Variants in KPNA4 observed in about 807,000 individuals in gnomAD.
KPNA4 encodes karyopherin subunit alpha 4, also known as importin subunit alpha-3.
KPNA4 carries 13 observed loss-of-function variants against 71.3 expected under a neutral mutation model. That is an observed-to-expected ratio of 0.18 (90% CI 0.12 to 0.29). The LOEUF is 0.29. Ranked by LOEUF, KPNA4 falls within the 10% of genes least tolerant of loss-of-function variation. The pLI is 1.00. For synonymous variants in KPNA4, 189 were observed against 195.2 expected, an observed-to-expected ratio of 0.97 and a Z score of 0.26; for missense variants, 334 against 603.2, an observed-to-expected ratio of 0.55 and a Z score of 4.67.
In KPNA4 at chr3:160,496,034, T is replaced by A. The variant is rs537920030; in HGVS notation, c.*6070A>T. ...GCCAGGCGGTGGCTCACGCCTGCAATCCCAGCACTTTGGGAGGCCAAGGAG... is the reference window on the plus strand; with the variant it reads ...GCCAGGCGGTGGCTCACGCCTGCAAACCCAGCACTTTGGGAGGCCAAGGAG... On this transcript the variant is annotated 3_prime_UTR_variant, in exon 17 of 17. Coordinates refer to ENST00000334256, the MANE Select transcript of KPNA4 (RefSeq NM_002268.5). The A allele has an allele frequency of 6.6e-6, 1 of 150,922 alleles. No homozygotes were observed. Among genetic ancestry groups the A allele is most frequent in the South Asian group, 2.2e-4 (1 of 4,646 alleles). The allele number at this position is 150,922 out of a possible 1,614,324, so 9.3% of individuals were successfully genotyped here. A position where few individuals can be genotyped will look rare whatever the true frequency, so the allele number is the denominator to read the frequency against.
intron 1 of KPNA4, among the ~76,000 whole-genome samples, chr3:160,547,040 C>T (rs1721925335): frequency 6.6e-6 from 1 of 152,086 alleles, no homozygotes; most frequent in South Asian, 2.1e-4. Context: ...ATAATGGTTC[C>T]CTTCAACTAA....
chr3:160,522,490 C>T (rs1207770387), intron 10 of KPNA4, among the ~76,000 whole-genome samples: 1 of 151,768 alleles, frequency 6.6e-6, no homozygotes, highest in East Asian at 1.9e-4. Flanking sequence ...CGGAGTCTCG[C>T]TCTGTCGCCC....
intron 1 of KPNA4, among the ~76,000 whole-genome samples, chr3:160,552,924 G>T (rs1480556352): frequency 6.6e-6 from 1 of 152,170 alleles, no homozygotes; most frequent in Admixed American, 6.5e-5. Context: ...TCAGTAAGGA[G>T]TATGGAAGCT....
At position 160,498,058 on chromosome 3, in the gene KPNA4, G is replaced by A. The variant is rs1720801090; in HGVS notation, c.*4046C>T. The stretch of plus-strand genomic sequence containing the variant: ...TTTAGAATAGTAATTAGAAGCCCTG[G>A]GCAGTATGGGAGTTGAGATGTGGGC... On this transcript the variant is annotated 3_prime_UTR_variant, in exon 17 of 17. Transcript: ENST00000334256. 6.6e-6 allele frequency: 1 copy of A among 152,134 alleles called. No homozygotes were observed. The highest frequency in any genetic ancestry group is 2.4e-5 in the African/African-American group (1 of 41,420). The allele number at this position is 152,134 out of a possible 1,614,324, so 9.4% of individuals were successfully genotyped here.
intron 13 of KPNA4, among the ~76,000 whole-genome samples, chr3:160,510,301 T>G (rs963679669): frequency 6.6e-6 from 1 of 152,144 alleles, no homozygotes; most frequent in Admixed American, 6.6e-5. Context: ...TTTTCAAATA[T>G]GAAGCGAAGA....
chr3:160,565,168 C>T, intron 1 of KPNA4, 46 bp downstream of exon 1: 1 of 1,510,482 alleles, frequency 6.6e-7, no homozygotes, highest in East Asian at 2.4e-5. Flanking sequence ...GGAGACCGGC[C>T]CCAGGCCCAC....
chr3:160,516,434 T>A (rs1422235222), intron 11 of KPNA4, among the ~76,000 whole-genome samples: 1 of 121,296 alleles, frequency 8.2e-6, no homozygotes, highest in African/African-American at 3.1e-5. Context: ...TAATTTTAGA[T>A]AGTGCCATAA....
intron 1 of KPNA4, among the ~76,000 whole-genome samples, chr3:160,559,071 C>A (rs370821518): frequency 2.0e-5 from 3 of 152,150 alleles, no homozygotes; most frequent in African/African-American, 7.2e-5. Flanking sequence ...GAGTTGTGAA[C>A]TGACCTAGCC....
intron 5 of KPNA4, among the ~76,000 whole-genome samples, chr3:160,532,924 T>G (rs1209104469): frequency 6.6e-6 from 1 of 152,238 alleles, no homozygotes; most frequent in Non-Finnish European, 1.5e-5. Flanking sequence ...TTCTATGTAT[T>G]CAAACTCTAT....
At chr3:160,502,991 A>T (rs559427708) in intron 16 of KPNA4, among the ~76,000 whole-genome samples, 1 of 152,108 alleles carries the variant, frequency 6.6e-6, no homozygotes, top group Non-Finnish European at 1.5e-5. Flanking sequence ...TGCGCCTATA[A>T]TCCCAGCTAC....
chr3:160,502,131 A>G lies in KPNA4; in HGVS notation c.1539T>C (p.Asn513=). The change falls in exon 17 of 17, where the codon AAT becomes AAC. Residue 513 remains asparagine, a synonymous_variant. Transcript: ENST00000334256. ...AAAACTGGAACCCTTCTGTTGGTAC[A>G]TTGGCAGATGAATTGAAACCAAATG... ...GGTFGFNSSA[N]VPTEGFQF 6.3e-7 allele frequency: 1 copy of G among 1,597,844 alleles called. No individual in the cohort carries two copies. Among genetic ancestry groups the G allele is most frequent in the Admixed American group, 1.7e-5 (1 of 59,810 alleles).
At chr3:160,533,063 A>T (rs1422120984) in intron 5 of KPNA4, among the ~76,000 whole-genome samples, 1 of 152,096 alleles carries the variant, frequency 6.6e-6, no homozygotes, top group African/African-American at 2.4e-5. Flanking sequence ...TCAGTCTGTC[A>T]CTCAGGCTGG....
At chr3:160,546,521 A>T (rs181650034) in intron 1 of KPNA4, among the ~76,000 whole-genome samples, 5 of 152,220 alleles carry the variant, frequency 3.3e-5, no homozygotes. Flanking sequence ...CCATCTCAGA[A>T]AAAAAGAAGA....
chr3:160,509,916 T>A, intron 13 of KPNA4, 45 bp from the exon 14 acceptor site: 1 of 1,223,588 alleles, frequency 8.2e-7, no homozygotes, highest in Non-Finnish European at 1.2e-6. Flanking sequence ...CCACATAGAG[T>A]AAACTGGAAA....
intron 1 of KPNA4, among the ~76,000 whole-genome samples, chr3:160,553,074 T>C (rs1417621772): frequency 6.6e-6 from 1 of 152,184 alleles, no homozygotes; most frequent in Non-Finnish European, 1.5e-5. Flanking sequence ...ACTCTGGAGA[T>C]GAGACAATAA....
rs928113384 is a variant in KPNA4, at chr3:160,535,756, A to G, written c.204+52T>C. On this transcript the variant is annotated intron_variant, in intron 3 of 16. Coordinates refer to ENST00000334256, the MANE Select transcript of KPNA4 (RefSeq NM_002268.5). ...CCTTAAAATTCTCTTATTAATGTGA[A>G]ATCTTTCACTCGTACTTTTAAGTTA... The G allele has an allele frequency of 8.9e-6, 14 of 1,564,676 alleles. 1 individual carries two copies. The South Asian group carries it at 1.7e-4, about 19-fold the overall frequency.
intron 1 of KPNA4, among the ~76,000 whole-genome samples, chr3:160,553,867 T>C (rs1179544154): frequency 6.6e-6 from 1 of 152,198 alleles, no homozygotes; most frequent in Non-Finnish European, 1.5e-5. Flanking sequence ...CATTGTAAAT[T>C]TGAGTTTAAG....
At chr3:160,542,412 T>C (rs1230683079) in intron 1 of KPNA4, among the ~76,000 whole-genome samples, 6 of 152,236 alleles carry the variant, frequency 3.9e-5, no homozygotes, top group Admixed American at 1.3e-4. Context: ...CTTTGTCAAA[T>C]AGTATTTATG....
intron 11 of KPNA4, among the ~76,000 whole-genome samples, chr3:160,520,322 G>A (rs148445196): frequency 9.1e-4 from 138 of 151,902 alleles, no homozygotes; most frequent in Non-Finnish European, 1.4e-3. Context: ...CGCAATCTTG[G>A]CTCACTACAA....
Sources: allele counts gnomAD v4.1 joint callset (sites outside exome capture counted in the v4.1 genomes callset), GRCh38; gene constraint gnomAD v4.1.1; transcripts MANE v1.5; gene names NCBI Gene and HGNC (gene_info 2026-07-23, HGNC 2026-07-21).